The following TASP1 variants were observed in gnomAD, a reference collection of about 807,000 sequenced individuals.
TASP1 encodes threonine aspartase 1.
In TASP1, 16 loss-of-function variants were observed where a neutral mutation model predicts 56.6. The ratio of observed to expected loss-of-function variants is 0.28; its 90% CI spans 0.19 to 0.43. TASP1 has a LOEUF of 0.43. Ranked by LOEUF, TASP1 falls within the 20% of genes least tolerant of loss-of-function variation. TASP1 has a pLI of 1.00. For synonymous variants in TASP1, 179 were observed against 184.2 expected (o/e 0.97, Z 0.23); for missense variants, 393 against 511.6 (o/e 0.77, Z 2.24).
chr20:13,457,521 A>G (rs1248366013), intron 11 of TASP1, among the ~76,000 whole-genome samples: 4 of 152,300 alleles, frequency 2.6e-5, no homozygotes, highest in African/African-American at 9.6e-5. Context: ...CTAAATTTAC[A>G]TGAAGAAAAA....
At chr20:13,260,294 G>A in the TASP1 span, among the ~76,000 whole-genome samples, 1 of 152,190 alleles carries the variant, frequency 6.6e-6, no homozygotes, top group Non-Finnish European at 1.5e-5. Flanking sequence ...AGCACACAGA[G>A]CTGTACAGGT....
intron 13 of TASP1, among the ~76,000 whole-genome samples, chr20:13,411,394 A>C (rs1600711577): frequency 6.6e-6 from 1 of 152,150 alleles, no homozygotes; most frequent in Non-Finnish European, 1.5e-5. Context: ...TTTTAAAGAT[A>C]CTAATTCTTC....
chr20:13,627,971 T>C lies in TASP1; in HGVS notation c.145+1963A>G, dbSNP rs900723183. 4.2e-4 allele frequency among the ~76,000 whole-genome samples: 64 copies of C among 152,296 alleles called. 1 individual carries two copies. The highest frequency in any genetic ancestry group is 3.4e-3 in the Middle Eastern group (1 of 294). ...TAACCAATCAAATTGCTGTAACTTATGCACTGGTCTCCTACGGAAAATGTT... is the reference window on the plus strand; with the variant it reads ...TAACCAATCAAATTGCTGTAACTTACGCACTGGTCTCCTACGGAAAATGTT... On this transcript the variant is annotated intron_variant, in intron 2 of 13. Transcript: ENST00000337743.
chr20:13,534,421 A>G (rs2045339232), intron 8 of TASP1, among the ~76,000 whole-genome samples: 1 of 151,970 alleles, frequency 6.6e-6, no homozygotes, highest in African/African-American at 2.4e-5. Flanking sequence ...GAAATGTCAC[A>G]ATTTAATATA....
intron 12 of TASP1, among the ~76,000 whole-genome samples, chr20:13,431,266 A>AAAGTCATGGG (rs1411978564): frequency 3.3e-5 from 5 of 152,194 alleles, no homozygotes; most frequent in Non-Finnish European, 7.3e-5. Context: ...AAAAAGTCAT[A>AAAGTCATGGG]AAGTCATGGG....
At chr20:13,152,593 C>T in the TASP1 span, among the ~76,000 whole-genome samples, 1 of 152,146 alleles carries the variant, frequency 6.6e-6, no homozygotes, top group South Asian at 2.1e-4. Context: ...GATAATTATC[C>T]CATGCTTAGA....
At chr20:13,421,192 A>G (rs1220292346) in intron 12 of TASP1, among the ~76,000 whole-genome samples, 1 of 140,332 alleles carries the variant, frequency 7.1e-6, no homozygotes, top group East Asian at 2.1e-4. Context: ...AGCTCACTAC[A>G]CCCTCCACCT....
chr20:13,271,105 C>T, the TASP1 span, among the ~76,000 whole-genome samples: 3 of 152,046 alleles, frequency 2.0e-5, no homozygotes, highest in Non-Finnish European at 4.4e-5. Flanking sequence ...GAAATGTGGC[C>T]GTTATAGGAA....
intron 4 of TASP1, among the ~76,000 whole-genome samples, chr20:13,593,515 C>G (rs1332130583): frequency 1.3e-5 from 2 of 152,220 alleles, no homozygotes; most frequent in Non-Finnish European, 2.9e-5. Flanking sequence ...GTGCTTTTCC[C>G]ATGGTCTTAG....
the TASP1 span, among the ~76,000 whole-genome samples, chr20:13,154,296 G>C: frequency 6.6e-6 from 1 of 152,078 alleles, no homozygotes; most frequent in Non-Finnish European, 1.5e-5. Flanking sequence ...CTATCAGCTA[G>C]ACCCTTCCCA....
At chr20:13,353,745 G>A in the TASP1 span, among the ~76,000 whole-genome samples, 1 of 152,156 alleles carries the variant, frequency 6.6e-6, no homozygotes, top group African/African-American at 2.4e-5. Context: ...CTCCCACAGA[G>A]CATCTGGCCC....
rs140710715 is a variant in TASP1 at position 13,614,327 on chromosome 20, T to C, written c.282+9119A>G. On this transcript the variant is annotated intron_variant, in intron 4 of 13. Coordinates refer to ENST00000337743, the MANE Select transcript of TASP1 (RefSeq NM_017714.3). ...AATTTACAAAAGACAACATACTTCA[T>C]TTAAAAAAAAAAACCCTCACACAAC... Among the ~76,000 whole-genome samples the C allele has an allele frequency of 1.3e-3, 191 of 151,856 alleles. 3 individuals are homozygous for C. In the East Asian group the frequency reaches 0.031, roughly 25 times the overall value.
At chr20:13,160,083 G>C in the TASP1 span, 2 of 1,613,728 alleles carry the variant, frequency 1.2e-6, no homozygotes, top group Non-Finnish European at 1.7e-6. Flanking sequence ...GCAGAAGCTC[G>C]GGCTCGGTTT....
At chr20:13,268,125 T>TCTTCTCTTCTCTTCTCTTCC in the TASP1 span, among the ~76,000 whole-genome samples, 6 of 119,734 alleles carry the variant, frequency 5.0e-5, no homozygotes, top group East Asian at 1.6e-3. Flanking sequence ...TCTTCTCTTC[T>TCTTCTCTTCTCTTCTCTTCC]CTTCTCTTCT....
At chr20:13,214,326 G>T in the TASP1 span, among the ~76,000 whole-genome samples, 6 of 152,212 alleles carry the variant, frequency 3.9e-5, no homozygotes, top group Admixed American at 1.3e-4. Flanking sequence ...GCTTACCTGG[G>T]TGCTTTCTCT....
intron 3 of TASP1, 85 bp from the exon 4 acceptor site, chr20:13,623,599 T>G: frequency 1.9e-6 from 2 of 1,073,160 alleles, no homozygotes; most frequent in Non-Finnish European, 2.8e-6. Context: ...TGGGAGACAC[T>G]TAGATTAATA....
At chr20:13,437,038 T>C (rs991087629) in intron 11 of TASP1, among the ~76,000 whole-genome samples, 3 of 152,076 alleles carry the variant, frequency 2.0e-5, no homozygotes, top group African/African-American at 4.8e-5. Context: ...TACCAAAGCC[T>C]GGCAGAGACA....
At chr20:13,299,051 G>A in the TASP1 span, 3 of 1,613,792 alleles carry the variant, frequency 1.9e-6, no homozygotes, top group Non-Finnish European at 2.5e-6. This position sits in a 1 kb window ranked among gnomAD's most constrained non-coding sequence, Gnocchi z 5.8. Flanking sequence ...ACCCCACTGA[G>A]GTGGCCTACA....
chr20:13,519,771 G>A (rs1444941087), intron 10 of TASP1, among the ~76,000 whole-genome samples: 8 of 152,140 alleles, frequency 5.3e-5, no homozygotes, highest in African/African-American at 1.9e-4. Flanking sequence ...GTTCTGGCCA[G>A]GGCAATCAGG....
Sources: allele counts gnomAD v4.1 joint callset (sites outside exome capture counted in the v4.1 genomes callset), GRCh38; gene constraint gnomAD v4.1.1; non-coding constraint Gnocchi (gnomAD v3.1); transcripts MANE v1.5; gene names NCBI Gene and HGNC (gene_info 2026-07-23, HGNC 2026-07-21).